Variants in ATG7 observed in about 807,000 individuals in gnomAD.
The protein encoded by ATG7 is ubiquitin-like modifier-activating enzyme ATG7.
A neutral mutation model predicts 82.4 loss-of-function variants in ATG7; 70 were observed. The ratio of observed to expected loss-of-function variants is 0.85; its 90% CI spans 0.70 to 1.04. ATG7 has a LOEUF of 1.04. ATG7 is among the 50% of genes least tolerant of loss of function. The probability of loss-of-function intolerance (pLI) is 0.00; values close to 1 mark genes in which losing one functional copy is unlikely to be tolerated. For missense variants in ATG7, 792 were observed against 864.3 expected, an observed-to-expected ratio of 0.92 and a Z score of 1.05; for synonymous variants, 287 against 313.0, an observed-to-expected ratio of 0.92 and a Z score of 0.88.
chr3:11,557,016 GGT>G lies in ATG7; in HGVS notation c.*2177_*2178del, dbSNP rs2072488383. On this transcript the variant is annotated 3_prime_UTR_variant, in exon 21 of 21. Coordinates refer to ENST00000693202, the MANE Select transcript of ATG7 (RefSeq NM_001349232.2). ...AAAACTGTAAAACCGGGGGTCATAC[GGT>G]GTGCAGAGTCCACAAAGCCTTGCAG... 6.6e-6 allele frequency: 1 copy of G among 152,418 alleles called. No homozygotes were observed. Among genetic ancestry groups the G allele is most frequent in the Admixed American group, 6.5e-5 (1 of 15,268 alleles). 9.4% of individuals were successfully genotyped at this position (152,418 alleles called of 1,614,324 possible).
chr3:11,541,060 T>C (rs1289943131), intron 20 of ATG7, among the ~76,000 whole-genome samples: 4 of 151,928 alleles, frequency 2.6e-5, no homozygotes, highest in Admixed American at 6.6e-5. Flanking sequence ...CCACCACACC[T>C]GGCTAATTTT....
chr3:11,366,218 CAA>C (rs1296231136), intron 18 of ATG7, among the ~76,000 whole-genome samples: 18 of 60,636 alleles, frequency 3.0e-4, no homozygotes, highest in Middle Eastern at 9.3e-3. Flanking sequence ...GACTCCATCT[CAA>C]AAAAAAAAAA....
At chr3:11,471,339 T>C (rs1658710437) in intron 20 of ATG7, among the ~76,000 whole-genome samples, 1 of 152,156 alleles carries the variant, frequency 6.6e-6, no homozygotes. Context: ...TCATTCTTCA[T>C]AGAGGCTACT....
chr3:11,473,133 C>T (rs1459830432), intron 20 of ATG7, among the ~76,000 whole-genome samples: 1 of 152,152 alleles, frequency 6.6e-6, no homozygotes, highest in Non-Finnish European at 1.5e-5. Context: ...TTTGCAGCTC[C>T]CTCTTATATG....
intron 20 of ATG7, among the ~76,000 whole-genome samples, chr3:11,487,060 C>G (rs896285154): frequency 8.6e-5 from 13 of 150,960 alleles, no homozygotes; most frequent in African/African-American, 3.2e-4. Context: ...TGCCTTCAAG[C>G]ATCTGTTTAA....
At chr3:11,569,017 G>T in the ATG7 span, 1 of 907,994 alleles carries the variant, frequency 1.1e-6, no homozygotes, top group Non-Finnish European at 1.3e-6. Context: ...AGCTTTCTGA[G>T]TACTGAAAGC....
chr3:11,350,923 C>CAAAAAAAAAAAAAAAAAAAAA (rs10709080), intron 14 of ATG7, among the ~76,000 whole-genome samples: 1 of 57,620 alleles, frequency 1.7e-5, no homozygotes, highest in Non-Finnish European at 3.0e-5. Context: ...GACCCTAGCC[C>CAAAAAAAAAAAAAAAAAAAAA]AAAAAAAAAA....
chr3:11,414,488 T>A (rs568566808), intron 19 of ATG7, among the ~76,000 whole-genome samples: 408 of 152,370 alleles, frequency 2.7e-3, no homozygotes, highest in Admixed American at 7.5e-3. Flanking sequence ...GCATGTCATC[T>A]ATGAACAGAC....
intron 20 of ATG7, among the ~76,000 whole-genome samples, chr3:11,444,843 C>T (rs2084361932): frequency 6.8e-6 from 1 of 147,618 alleles, no homozygotes; most frequent in Non-Finnish European, 1.5e-5. Flanking sequence ...TCCAGCACTA[C>T]AAGGAATTTA....
intron 20 of ATG7, among the ~76,000 whole-genome samples, chr3:11,440,000 T>G (rs1048168688): frequency 1.3e-5 from 2 of 152,216 alleles, no homozygotes; most frequent in Non-Finnish European, 2.9e-5. Flanking sequence ...GTACACTTCA[T>G]AAGGCTGGAA....
intron 20 of ATG7, among the ~76,000 whole-genome samples, chr3:11,499,272 T>C (rs1293003591): frequency 6.6e-6 from 1 of 151,944 alleles, no homozygotes; most frequent in African/African-American, 2.4e-5. Context: ...CCTTTCCTGT[T>C]CTACATGGGT....
At chr3:11,513,357 A>G (rs1357437039) in intron 20 of ATG7, among the ~76,000 whole-genome samples, 1 of 152,214 alleles carries the variant, frequency 6.6e-6, no homozygotes, top group East Asian at 1.9e-4. Context: ...AGGCTCAGGC[A>G]TGGTGGGCTG....
At chr3:11,402,580 A>G (rs2079942673) in intron 19 of ATG7, among the ~76,000 whole-genome samples, 1 of 152,176 alleles carries the variant, frequency 6.6e-6, no homozygotes, top group Non-Finnish European at 1.5e-5. Context: ...CTCCTTATAC[A>G]TTCATTAACA....
chr3:11,352,125 A>C (rs146687659), intron 14 of ATG7, among the ~76,000 whole-genome samples: 8 of 151,646 alleles, frequency 5.3e-5, no homozygotes, highest in African/African-American at 1.9e-4. Flanking sequence ...CTTTGTGATA[A>C]TTTGCTCAGA....
At chr3:11,417,800 A>T (rs1158659145) in intron 19 of ATG7, among the ~76,000 whole-genome samples, 9 of 109,362 alleles carry the variant, frequency 8.2e-5, no homozygotes, top group African/African-American at 1.9e-4. Flanking sequence ...TATTATTATT[A>T]TTTTATTTTA....
At chr3:11,393,877 C>T (rs994684994) in intron 19 of ATG7, among the ~76,000 whole-genome samples, 3 of 152,076 alleles carry the variant, frequency 2.0e-5, no homozygotes, top group Non-Finnish European at 4.4e-5. Context: ...GATAGGGATT[C>T]GCCATGTTGC....
intron 19 of ATG7, among the ~76,000 whole-genome samples, chr3:11,415,358 T>A (rs575552762): frequency 6.6e-6 from 1 of 152,296 alleles, no homozygotes; most frequent in Admixed American, 6.5e-5. Context: ...AAAACAACAC[T>A]AAACTTAAAA....
At chr3:11,506,848 G>A (rs563856314) in intron 20 of ATG7, among the ~76,000 whole-genome samples, 2 of 152,324 alleles carry the variant, frequency 1.3e-5, no homozygotes, top group East Asian at 3.9e-4. Flanking sequence ...TGCTGTACAA[G>A]GTCATCCACA....
intron 20 of ATG7, among the ~76,000 whole-genome samples, chr3:11,478,299 C>G (rs148500770): frequency 8.5e-5 from 13 of 152,212 alleles, no homozygotes; most frequent in African/African-American, 3.1e-4. Context: ...TAGAAACATC[C>G]CATTTTGTAA....
Sources: gnomAD v4.1 joint callset for allele counts (sites outside exome capture counted in the v4.1 genomes callset) on GRCh38, gnomAD v4.1.1 for gene constraint, MANE v1.5 for transcripts, NCBI Gene and HGNC (gene_info 2026-07-23, HGNC 2026-07-21) for gene names.